The following NXPH1 variants were observed in gnomAD, a reference collection of about 807,000 sequenced individuals.
NXPH1 encodes neurexophilin 1, also known as neurexophilin-1.
Under a neutral mutation model 23.7 loss-of-function variants are expected in NXPH1, and 5 were observed. That is an observed-to-expected ratio of 0.21 (90% CI 0.11 to 0.44). The LOEUF (loss-of-function observed/expected upper bound fraction) is 0.44, where lower values mean the gene tolerates loss of function less well. Ranked by LOEUF, NXPH1 falls within the 20% of genes least tolerant of loss-of-function variation. The pLI, the probability that NXPH1 is intolerant of heterozygous loss-of-function variation, is 0.99. For synonymous variants in NXPH1, 144 were observed against 122.2 expected, an observed-to-expected ratio of 1.18 and a Z score of -1.18; for missense variants, 324 against 321.6, an observed-to-expected ratio of 1.01 and a Z score of -0.06.
At position 8,442,618 on chromosome 7, in the gene NXPH1, C is replaced by A. The variant is rs1208220036; in HGVS notation, c.54+6851C>A. On this transcript the variant is annotated intron_variant, in intron 2 of 2. Transcript: ENST00000405863. This position sits in a 1 kb window ranked among gnomAD's most constrained non-coding sequence, Gnocchi z 4.6. Reference sequence around the variant, plus strand: ...AACTTTTTTCGACGTAGGCTTCATACCCTCCCTTCGGAAACTCAGTCCGCT... The same window carrying A: ...AACTTTTTTCGACGTAGGCTTCATAACCTCCCTTCGGAAACTCAGTCCGCT... Among the ~76,000 whole-genome samples, 1 of 152,236 alleles carries A rather than the reference C, an allele frequency of 6.6e-6. No homozygotes were observed. The highest frequency in any genetic ancestry group is 2.4e-5 in the African/African-American group (1 of 41,470).
chr7:8,563,731 C>A (rs764447260), intron 2 of NXPH1, among the ~76,000 whole-genome samples: 26 of 151,710 alleles, frequency 1.7e-4, no homozygotes, highest in Non-Finnish European at 3.2e-4. Context: ...ATATCCCCAG[C>A]AAATGCTTTA....
At chr7:8,439,860 A>G (rs773623582) in intron 2 of NXPH1, among the ~76,000 whole-genome samples, 1 of 152,234 alleles carries the variant, frequency 6.6e-6, no homozygotes, top group Admixed American at 6.5e-5. Context: ...GAGACCAGCA[A>G]TGTCTTTTCT....
intron 2 of NXPH1, among the ~76,000 whole-genome samples, chr7:8,641,493 T>C (rs73239905): frequency 0.024 from 3,597 of 152,240 alleles, 125 homozygotes; most frequent in African/African-American, 0.076. Flanking sequence ...TTTATCAGCC[T>C]AACACTGCAA....
intron 2 of NXPH1, among the ~76,000 whole-genome samples, chr7:8,474,820 C>T (rs1023639078): frequency 5.9e-5 from 9 of 152,076 alleles, no homozygotes; most frequent in Non-Finnish European, 8.8e-5. Context: ...AGTACATTAT[C>T]CACTTCCCAC....
intron 2 of NXPH1, among the ~76,000 whole-genome samples, chr7:8,592,042 A>G (rs1437546223): frequency 1.3e-5 from 2 of 151,880 alleles, no homozygotes; most frequent in Non-Finnish European, 2.9e-5. Context: ...CTTGGAGTTA[A>G]GGGATAATCT....
intron 2 of NXPH1, among the ~76,000 whole-genome samples, chr7:8,504,635 C>T (rs1417973142): frequency 1.3e-5 from 2 of 151,952 alleles, no homozygotes; most frequent in African/African-American, 4.8e-5. Context: ...CTCTGCATTC[C>T]CTTGATGCTA....
At chr7:8,593,944 TATG>T (rs1170792212) in intron 2 of NXPH1, among the ~76,000 whole-genome samples, 11 of 151,654 alleles carry the variant, frequency 7.3e-5, no homozygotes, top group Non-Finnish European at 1.5e-4. Context: ...CATTTCAGCT[TATG>T]ATAACATTTT....
chr7:8,655,706 T>C (rs1295911693), intron 2 of NXPH1, among the ~76,000 whole-genome samples: 1 of 152,132 alleles, frequency 6.6e-6, no homozygotes, highest in Admixed American at 6.5e-5. Context: ...GAGAAGAGAA[T>C]AACAAGCAGT....
chr7:8,598,002 C>G (rs1390024426), intron 2 of NXPH1, among the ~76,000 whole-genome samples: 2 of 152,138 alleles, frequency 1.3e-5, no homozygotes, highest in African/African-American at 4.8e-5. Flanking sequence ...ACCTCCAGCT[C>G]TGCTATAGAA....
At chr7:8,597,910 T>A (rs1255937127) in intron 2 of NXPH1, among the ~76,000 whole-genome samples, 1 of 152,078 alleles carries the variant, frequency 6.6e-6, no homozygotes, top group East Asian at 1.9e-4. Flanking sequence ...AATTCCTGGA[T>A]CAATGCAAAT....
chr7:8,671,065 T>C (rs1820861593), intron 2 of NXPH1, among the ~76,000 whole-genome samples: 1 of 152,224 alleles, frequency 6.6e-6, no homozygotes, highest in African/African-American at 2.4e-5. Flanking sequence ...ACTCCACAGA[T>C]ACATACCATT....
intron 2 of NXPH1, among the ~76,000 whole-genome samples, chr7:8,629,542 T>C (rs373626866): frequency 2.0e-5 from 3 of 152,222 alleles, no homozygotes; most frequent in South Asian, 2.1e-4. Context: ...GCAAACTGAT[T>C]TTAAGTTTGG....
At chr7:8,561,927 A>T (rs1299850362) in intron 2 of NXPH1, among the ~76,000 whole-genome samples, 1 of 151,768 alleles carries the variant, frequency 6.6e-6, no homozygotes, top group Non-Finnish European at 1.5e-5. Context: ...ATTTAACAAC[A>T]TGATGTTTCG....
At chr7:8,689,883 G>C (rs1821199898) in intron 2 of NXPH1, among the ~76,000 whole-genome samples, 1 of 152,076 alleles carries the variant, frequency 6.6e-6, no homozygotes, top group African/African-American at 2.4e-5. Flanking sequence ...CAATACTTTT[G>C]AGAACAAAAG....
At position 8,751,935 on chromosome 7, in the gene NXPH1, T is replaced by C. The variant is rs1780571652; in HGVS notation, c.*166T>C. ...GTGGAAAACACTCTGATGTAATTTCTGCCCAGTCAGCTTCATCCCTCAGTA... is the reference window on the plus strand; with the variant it reads ...GTGGAAAACACTCTGATGTAATTTCCGCCCAGTCAGCTTCATCCCTCAGTA... On this transcript the variant is annotated 3_prime_UTR_variant, in exon 3 of 3. Coordinates refer to ENST00000405863, the MANE Select transcript of NXPH1 (RefSeq NM_152745.3). The surrounding 1 kb of genome is among the most constrained non-coding windows in gnomAD (Gnocchi z 4.5). The C allele has an allele frequency of 1.6e-6, 1 of 639,674 alleles. No homozygotes were observed. The highest frequency in any genetic ancestry group is 1.8e-5 in the African/African-American group (1 of 54,762). The allele number at this position is 639,674 out of a possible 1,614,324, so 39.6% of individuals were successfully genotyped here.
intron 2 of NXPH1, among the ~76,000 whole-genome samples, chr7:8,593,840 A>G (rs1438325436): frequency 4.6e-5 from 7 of 152,092 alleles, no homozygotes; most frequent in African/African-American, 1.7e-4. Context: ...CATTTTCCAT[A>G]GATTGGAAGA....
At chr7:8,635,488 C>T (rs1820205059) in intron 2 of NXPH1, among the ~76,000 whole-genome samples, 3 of 152,112 alleles carry the variant, frequency 2.0e-5, no homozygotes, top group African/African-American at 7.2e-5. Flanking sequence ...TGATTGGTTT[C>T]TGGTATTTCC....
At chr7:8,504,462 GAAAAAAT>G (rs1817489079) in intron 2 of NXPH1, among the ~76,000 whole-genome samples, 1 of 151,930 alleles carries the variant, frequency 6.6e-6, no homozygotes, top group Non-Finnish European at 1.5e-5. Flanking sequence ...ATTTTACTTA[GAAAAAAT>G]GTAGAACAGG....
In NXPH1 at chr7:8,562,526, GTTCTT is replaced by G. The variant is rs1424991734; in HGVS notation, c.54+126771_54+126775del. Among the ~76,000 whole-genome samples, 7 of 137,946 alleles carry G rather than the reference GTTCTT, an allele frequency of 5.1e-5. No homozygotes were observed. The East Asian group carries it at 6.6e-4, about 13-fold the overall frequency. 90.5% of individuals were successfully genotyped at this position (137,946 alleles called of 152,430 possible). On this transcript the variant is annotated intron_variant, in intron 2 of 2. Coordinates refer to ENST00000405863, the MANE Select transcript of NXPH1 (RefSeq NM_152745.3). Reference sequence around the variant, plus strand: ...ATAATGAAATGAGTTTTTTTTTTTTGTTCTTTTCTTTTCTTTAAACCGTAACTTTC... The same window carrying G: ...ATAATGAAATGAGTTTTTTTTTTTTGTTCTTTTCTTTAAACCGTAACTTTC...
Sources: gnomAD v4.1 joint callset for allele counts (sites outside exome capture counted in the v4.1 genomes callset) on GRCh38, gnomAD v4.1.1 for gene constraint, Gnocchi (gnomAD v3.1) non-coding constraint, MANE v1.5 for transcripts, NCBI Gene and HGNC (gene_info 2026-07-23, HGNC 2026-07-21) for gene names.